ZPBP: variants seen among roughly 807,000 people sequenced by gnomAD.
ZPBP encodes the protein zona pellucida-binding protein 1.
Under a neutral mutation model 44.8 loss-of-function variants are expected in ZPBP, and 26 were observed. The ratio of observed to expected loss-of-function variants is 0.58; its 90% CI spans 0.43 to 0.81. The LOEUF is 0.81. Ranked by LOEUF, ZPBP falls within the 30% of genes least tolerant of loss-of-function variation. The pLI is 0.00. For synonymous variants in ZPBP, 174 were observed against 153.2 expected (o/e 1.14, Z -1.00); for missense variants, 409 against 434.0 (o/e 0.94, Z 0.51).
chr7:49,983,856 A>C (rs979210781), intron 6 of ZPBP, among the ~76,000 whole-genome samples: 12 of 152,106 alleles, frequency 7.9e-5, no homozygotes, highest in Non-Finnish European at 1.6e-4. Flanking sequence ...ACTTTAAAAT[A>C]ATATATTATA....
intron 7 of ZPBP, among the ~76,000 whole-genome samples, chr7:49,962,059 AT>A (rs2128765005): frequency 6.6e-6 from 1 of 152,132 alleles, no homozygotes; most frequent in African/African-American, 2.4e-5. Flanking sequence ...GACAGCTTCA[AT>A]GAAGAATTAA....
intron 7 of ZPBP, among the ~76,000 whole-genome samples, chr7:49,948,425 T>G (rs569444385): frequency 1.2e-4 from 19 of 152,266 alleles, no homozygotes; most frequent in African/African-American, 4.1e-4. Context: ...TTATCAAATA[T>G]AGTGAAAAGG....
At chr7:50,076,244 A>G (rs1327403376) in intron 3 of ZPBP, among the ~76,000 whole-genome samples, 1 of 151,974 alleles carries the variant, frequency 6.6e-6, no homozygotes, top group Non-Finnish European at 1.5e-5. Context: ...AACCCAAAAA[A>G]AACTGAGTAT....
At chr7:49,841,279 G>A in the ZPBP span, among the ~76,000 whole-genome samples, 1 of 150,988 alleles carries the variant, frequency 6.6e-6, no homozygotes, top group Non-Finnish European at 1.5e-5. Context: ...GCTAGTATTT[G>A]CTGAAACAGC....
chr7:49,864,908 T>G (rs189146497), intron 2 of ZPBP, among the ~76,000 whole-genome samples: 54 of 152,314 alleles, frequency 3.5e-4, no homozygotes, highest in African/African-American at 1.2e-3. Flanking sequence ...CTGTAAACCT[T>G]TGACTGTTTT....
intron 3 of ZPBP, among the ~76,000 whole-genome samples, chr7:50,070,353 C>G (rs1048390870): frequency 8.5e-5 from 13 of 152,206 alleles, no homozygotes; most frequent in African/African-American, 3.1e-4. Flanking sequence ...CTGTCTTGGG[C>G]CCTTACTCCT....
chr7:50,081,726 C>T, intron 3 of ZPBP, 48 bp downstream of exon 3: 2 of 1,600,002 alleles, frequency 1.3e-6, no homozygotes, highest in Non-Finnish European at 8.5e-7. Flanking sequence ...GTGTTGCACA[C>T]AATTCAGATA....
intron 2 of ZPBP, among the ~76,000 whole-genome samples, chr7:49,854,399 G>A (rs1476182341): frequency 5.9e-5 from 9 of 151,932 alleles, no homozygotes; most frequent in African/African-American, 9.7e-5. Context: ...TTTAATGATC[G>A]CTATTCTAAC....
At chr7:49,907,733 G>A (rs1167542914) in intron 1 of ZPBP, among the ~76,000 whole-genome samples, 1 of 152,202 alleles carries the variant, frequency 6.6e-6, no homozygotes, top group African/African-American at 2.4e-5. Flanking sequence ...AAAACTGAGG[G>A]TGGAGTTGGG....
chr7:49,951,286 G>A (rs1184717230), intron 7 of ZPBP, among the ~76,000 whole-genome samples: 10 of 151,626 alleles, frequency 6.6e-5, no homozygotes, highest in African/African-American at 2.4e-4. Flanking sequence ...CAGAGAACAG[G>A]TAAAAATATT....
chr7:50,066,998 G>A (rs148607195), intron 3 of ZPBP, among the ~76,000 whole-genome samples: 4,600 of 152,272 alleles, frequency 0.03, 89 homozygotes, highest in Middle Eastern at 0.061. Context: ...AACAGCAGTG[G>A]GAGTAGACAT....
rs543797693 is a variant in ZPBP at position 49,853,648 on chromosome 7, C to T, written n.510-3134G>A. Among the ~76,000 whole-genome samples the T allele has an allele frequency of 7.9e-5, 12 of 151,500 alleles. No homozygotes were observed. In the South Asian group the frequency reaches 8.3e-4, roughly 11 times the overall value. On this transcript the variant is annotated intron_variant and non_coding_transcript_variant, in intron 2 of 2. Coordinates refer to the ZPBP transcript ENST00000465922. ...ACGTAACATAAAGTATGTTTATGAA[C>T]GTTTGTTTTTCTTCTTGTCATTTAT... is the stretch of plus-strand genomic sequence containing the variant.
At chr7:49,903,984 C>T (rs936859411) in intron 1 of ZPBP, among the ~76,000 whole-genome samples, 4 of 152,130 alleles carry the variant, frequency 2.6e-5, no homozygotes, top group Non-Finnish European at 5.9e-5. Flanking sequence ...ATTTACATAG[C>T]ATGGGGGAAG....
At chr7:49,992,807 G>A (rs1797628657) in intron 6 of ZPBP, among the ~76,000 whole-genome samples, 1 of 152,048 alleles carries the variant, frequency 6.6e-6, no homozygotes, top group Non-Finnish European at 1.5e-5. Context: ...TCAGATCTGG[G>A]AGGCACAATA....
rs1796951201 is a variant in ZPBP, at chr7:49,981,601, A to AT, written c.961+1740_961+1741insA. On this transcript the variant is annotated intron_variant, in intron 7 of 7. Coordinates refer to ENST00000046087, the MANE Select transcript of ZPBP (RefSeq NM_007009.3). The stretch of plus-strand genomic sequence containing the variant: ...TAAATTATATATTATATAATTATAT[A>AT]AATTATATAATTATATTATATTATA... Among the ~76,000 whole-genome samples, 2 of 23,922 alleles carry AT rather than the reference A, an allele frequency of 8.4e-5. 1 individual carries two copies. The highest frequency in any genetic ancestry group is 3.7e-4 in the African/African-American group (2 of 5,436). The allele number at this position is 23,922 out of a possible 152,430, so 15.7% of individuals were successfully genotyped here. A position where few individuals can be genotyped will look rare whatever the true frequency, so the allele number is the denominator to read the frequency against.
chr7:50,018,071 CATTCTATTAAT>C (rs1798902234), intron 6 of ZPBP, among the ~76,000 whole-genome samples, 158 bp downstream of exon 6: 2 of 151,972 alleles, frequency 1.3e-5, no homozygotes, highest in African/African-American at 4.8e-5. Flanking sequence ...TATAAAGATA[CATTCTATTAAT>C]GTCTTATCTT....
chr7:50,034,052 A>G (rs117080224), intron 4 of ZPBP, among the ~76,000 whole-genome samples: 1,877 of 152,262 alleles, frequency 0.012, 22 homozygotes, highest in South Asian at 0.062. Flanking sequence ...TTCCTTAACA[A>G]CAAAACTGGA....
intron 7 of ZPBP, among the ~76,000 whole-genome samples, chr7:49,977,080 C>A (rs2128774099): frequency 7.4e-6 from 1 of 134,276 alleles, no homozygotes; most frequent in East Asian, 2.2e-4. Context: ...CCAGCCTGGG[C>A]GACAGAGCAA....
chr7:49,956,540 T>C (rs1795602629), intron 7 of ZPBP, among the ~76,000 whole-genome samples: 2 of 152,010 alleles, frequency 1.3e-5, no homozygotes, highest in African/African-American at 4.8e-5. Flanking sequence ...ATAACACTTA[T>C]AATAACTCCC....
Sources: gnomAD v4.1 joint callset for allele counts (sites outside exome capture counted in the v4.1 genomes callset) on GRCh38, gnomAD v4.1.1 for gene constraint, MANE v1.5 for transcripts, NCBI Gene and HGNC (gene_info 2026-07-23, HGNC 2026-07-21) for gene names.